MTPN: variants seen among roughly 807,000 people sequenced by gnomAD.
MTPN encodes the protein granule cell differentiation protein.
In MTPN, 2 loss-of-function variants were observed where a neutral mutation model predicts 13.5. That is an observed-to-expected ratio of 0.15 (90% CI 0.06 to 0.47). The LOEUF (loss-of-function observed/expected upper bound fraction) is 0.47. Among genes scored for constraint, MTPN ranks in the 20% least tolerant of loss-of-function variants. The probability of loss-of-function intolerance (pLI) is 0.97; values close to 1 mark genes in which losing one functional copy is unlikely to be tolerated. For missense variants in MTPN, 79 were observed against 137.9 expected (o/e 0.57, Z 2.14); for synonymous variants, 46 against 51.7 (o/e 0.89, Z 0.48).
At chr7:135,972,753 C>T (rs768042701) in intron 1 of MTPN, among the ~76,000 whole-genome samples, 4 of 152,106 alleles carry the variant, frequency 2.6e-5, no homozygotes, top group Non-Finnish European at 5.9e-5. Context: ...GTCTCCCTCA[C>T]TGCCCTTAAA....
At chr7:135,959,164 C>T (rs1454607415) in intron 1 of MTPN, among the ~76,000 whole-genome samples, 1 of 152,136 alleles carries the variant, frequency 6.6e-6, no homozygotes, top group East Asian at 1.9e-4. Flanking sequence ...CACGAGACAT[C>T]ATTCTTGAAA....
intron 1 of MTPN, among the ~76,000 whole-genome samples, chr7:135,973,455 T>G (rs928399185): frequency 6.6e-6 from 1 of 150,840 alleles, no homozygotes; most frequent in Non-Finnish European, 1.5e-5. Context: ...TTAGTGAAAA[T>G]GGAGACACAA....
chr7:135,943,791 A>G (rs1799247580), intron 3 of MTPN, among the ~76,000 whole-genome samples: 1 of 152,212 alleles, frequency 6.6e-6, no homozygotes, highest in Non-Finnish European at 1.5e-5. Context: ...AAGCAGAGAA[A>G]AAAAGGAAAA....
chr7:135,930,120 T>A, intron 3 of MTPN, 108 bp from the exon 4 acceptor site: 1 of 954,324 alleles, frequency 1.0e-6, no homozygotes, highest in Non-Finnish European at 1.6e-6. Context: ...AATTAAAAAT[T>A]CCTTTACTAG....
Position 135,929,905 on chromosome 7 carries a change from A to G in MTPN, c.*21T>C. The G allele has an allele frequency of 6.2e-7, 1 of 1,611,710 alleles. No homozygotes were observed. Among genetic ancestry groups the G allele is most frequent in the African/African-American group, 1.3e-5 (1 of 74,944 alleles). ...GGCCACAGGAGAGTCATTCTTCCGGAGTTATCAGTCCATCCATCCATCACT... is the reference window on the plus strand; with the variant it reads ...GGCCACAGGAGAGTCATTCTTCCGGGGTTATCAGTCCATCCATCCATCACT... On this transcript the variant is annotated 3_prime_UTR_variant, in exon 4 of 4. Coordinates refer to ENST00000393085, the MANE Select transcript of MTPN (RefSeq NM_145808.4).
intron 1 of MTPN, among the ~76,000 whole-genome samples, chr7:135,966,272 A>G (rs1034292643): frequency 6.6e-6 from 1 of 152,154 alleles, no homozygotes; most frequent in Non-Finnish European, 1.5e-5. Context: ...AGCTTAGCCC[A>G]GCCCGCCTTG....
At chr7:135,953,649 A>G (rs1291302784) in intron 1 of MTPN, among the ~76,000 whole-genome samples, 2 of 152,206 alleles carry the variant, frequency 1.3e-5, no homozygotes, top group Non-Finnish European at 2.9e-5. Flanking sequence ...TTCTGAGAGA[A>G]GGGTGATATC....
At chr7:135,964,133 T>C (rs567515206) in intron 1 of MTPN, among the ~76,000 whole-genome samples, 327 of 152,114 alleles carry the variant, frequency 2.1e-3, no homozygotes, top group Non-Finnish European at 3.9e-3. Context: ...TTCTAATTCA[T>C]GGCTCCACAG....
intron 1 of MTPN, among the ~76,000 whole-genome samples, chr7:135,971,435 CTATT>C (rs1174323181): frequency 6.6e-6 from 1 of 151,634 alleles, no homozygotes; most frequent in Non-Finnish European, 1.5e-5. Context: ...ATTATTTTTA[CTATT>C]TACTCAATAA....
intron 1 of MTPN, among the ~76,000 whole-genome samples, chr7:135,961,485 T>C (rs1799521465): frequency 1.3e-5 from 2 of 151,988 alleles, no homozygotes; most frequent in Non-Finnish European, 2.9e-5. Context: ...AGAAACTATC[T>C]ATAGCAATGA....
chr7:135,966,948 A>G (rs1298122018), intron 1 of MTPN, among the ~76,000 whole-genome samples: 1 of 152,170 alleles, frequency 6.6e-6, no homozygotes, highest in East Asian at 1.9e-4. Flanking sequence ...ACTGTAGCTT[A>G]AAGATCTGAA....
chr7:135,970,314 T>C (rs1001717288), intron 1 of MTPN, among the ~76,000 whole-genome samples: 1 of 152,200 alleles, frequency 6.6e-6, no homozygotes, highest in African/African-American at 2.4e-5. Flanking sequence ...GAATGGCTGA[T>C]TTGTTCACAG....
chr7:135,975,923 C>T (rs762550263), intron 1 of MTPN, among the ~76,000 whole-genome samples: 6 of 152,210 alleles, frequency 3.9e-5, no homozygotes, highest in Non-Finnish European at 5.9e-5. Flanking sequence ...GAAACTGCTT[C>T]GCTTACTTGC....
intron 1 of MTPN, among the ~76,000 whole-genome samples, chr7:135,976,244 TTCA>T (rs1248954372): frequency 6.6e-6 from 1 of 152,238 alleles, no homozygotes; most frequent in African/African-American, 2.4e-5. Flanking sequence ...TTTGTCTTTC[TTCA>T]TCATGATTTT....
chr7:135,950,707 C>G, intron 2 of MTPN, 25 bp from the exon 3 acceptor site: 6 of 1,520,596 alleles, frequency 3.9e-6, no homozygotes, highest in South Asian at 3.5e-5. Flanking sequence ...ACAGAGATAA[C>G]TTTATCTGTT....
At position 135,969,098 on chromosome 7, in the gene MTPN, G is replaced by C. The variant is rs868254485; in HGVS notation, c.72+7931C>G. 2.0e-4 allele frequency among the ~76,000 whole-genome samples: 19 copies of C among 95,528 alleles called. No homozygotes were observed. The South Asian group carries it at 8.2e-3, about 41-fold the overall frequency. 62.7% of individuals were successfully genotyped at this position (95,528 alleles called of 152,430 possible). The stretch of plus-strand genomic sequence containing the variant: ...GGGACTGTTGTGGGGTGGGGGGGGG[G>C]GAGGAGGGAGGGATAGCATTGGGAG... On this transcript the variant is annotated intron_variant, in intron 1 of 3. Transcript: ENST00000393085.
intron 1 of MTPN, among the ~76,000 whole-genome samples, chr7:135,974,425 C>T (rs772488646): frequency 5.3e-5 from 8 of 152,036 alleles, no homozygotes; most frequent in Non-Finnish European, 1.2e-4. Flanking sequence ...TCTATGGTCC[C>T]AGCTGCTCAG....
At chr7:135,960,717 A>G (rs1382178028) in intron 1 of MTPN, 1 of 152,074 alleles carries the variant, frequency 6.6e-6, no homozygotes, top group Non-Finnish European at 1.5e-5. Context: ...TTGCCTCGGC[A>G]GCACATATAC....
Position 135,950,579 on chromosome 7 carries a change from C to G in MTPN, c.270+20G>C. The G allele has an allele frequency of 6.4e-7, 1 of 1,567,854 alleles. No individual in the cohort carries two copies. The highest frequency in any genetic ancestry group is 8.8e-7 in the Non-Finnish European group (1 of 1,141,172). On this transcript the variant is annotated intron_variant, in intron 3 of 3. Transcript: ENST00000393085. The stretch of plus-strand genomic sequence containing the variant: ...AAACACAGTAATAGAAAAAGCAATA[C>G]TATTAGCAATTGACCTCACCTTTGA...
Sources: gnomAD v4.1 joint callset for allele counts (sites outside exome capture counted in the v4.1 genomes callset) on GRCh38, gnomAD v4.1.1 for gene constraint, MANE v1.5 for transcripts, NCBI Gene and HGNC (gene_info 2026-07-23, HGNC 2026-07-21) for gene names.